Variants in NHLH1 observed in about 807,000 individuals in gnomAD.
NHLH1 encodes the protein nescient helix-loop-helix 1.
A neutral mutation model predicts 6.7 loss-of-function variants in NHLH1; 3 were observed. That is an observed-to-expected ratio of 0.44 (90% CI 0.20 to 1.15). NHLH1 has a LOEUF of 1.15. Ranked by LOEUF, NHLH1 falls within the 50% of genes most tolerant of loss-of-function variation. The pLI, the probability that NHLH1 is intolerant of heterozygous loss-of-function variation, is 0.26. For missense variants in NHLH1, 177 were observed against 189.5 expected, an observed-to-expected ratio of 0.93 and a Z score of 0.39; for synonymous variants, 92 against 84.2, an observed-to-expected ratio of 1.09 and a Z score of -0.51.
rs1649619281 is a variant in NHLH1, at chr1:160,371,213, C to A, written c.*80C>A. ...CTGCTTAGAAAGGCCGCATCCTCCC[C>A]GAGCCCTTATACCTTGGCATGGAGT... On this transcript the variant is annotated 3_prime_UTR_variant, in exon 2 of 2. Transcript: ENST00000302101. The A allele has an allele frequency of 6.6e-7, 1 of 1,521,710 alleles. No homozygotes were observed. Among genetic ancestry groups the A allele is most frequent in the Non-Finnish European group, 8.8e-7 (1 of 1,137,172 alleles). The allele number at this position is 1,521,710 out of a possible 1,614,324, so 94.3% of individuals were successfully genotyped here.
At position 160,371,946 on chromosome 1, in the gene NHLH1, C is replaced by T. The variant is rs1337919103; in HGVS notation, c.*813C>T. 3 of 166,920 alleles carry T rather than the reference C, an allele frequency of 1.8e-5. No individual in the cohort carries two copies. The highest frequency in any genetic ancestry group is 7.2e-5 in the African/African-American group (3 of 41,396). 10.3% of individuals were successfully genotyped at this position (166,920 alleles called of 1,614,324 possible). Reference sequence around the variant, plus strand: ...TTAGGGGATGACATCCCAAACAGCCCGGAGTATTTGCAGAAGGCTCAGGCA... The same window carrying T: ...TTAGGGGATGACATCCCAAACAGCCTGGAGTATTTGCAGAAGGCTCAGGCA... On this transcript the variant is annotated 3_prime_UTR_variant, in exon 2 of 2. Transcript: ENST00000302101.
At position 160,371,325 on chromosome 1, in the gene NHLH1, T is replaced by G; in HGVS notation, c.*192T>G. 1.2e-6 allele frequency: 1 copy of G among 825,846 alleles called. No individual in the cohort carries two copies. Among genetic ancestry groups the G allele is most frequent in the Non-Finnish European group, 1.8e-6 (1 of 554,218 alleles). The allele number at this position is 825,846 out of a possible 1,614,324, so 51.2% of individuals were successfully genotyped here. A position where few individuals can be genotyped will look rare whatever the true frequency, so the allele number is the denominator to read the frequency against. The stretch of plus-strand genomic sequence containing the variant: ...TCTGACCCAGGCACCTCGAGGGCTA[T>G]TCTCCTGGGTTCCTTCCGGGGTTTA... On this transcript the variant is annotated 3_prime_UTR_variant, in exon 2 of 2. Coordinates refer to ENST00000302101, the MANE Select transcript of NHLH1 (RefSeq NM_005598.4).
Position 160,370,856 on chromosome 1 carries a change from G to A in NHLH1, c.125G>A (p.Gly42Glu), listed in dbSNP as rs531286404. The change falls in exon 2 of 2, where the codon GGG becomes GAG. Residue 42 changes from glycine (G) to glutamate (E), a missense_variant. Gly to Glu is a moderately conservative substitution (Grantham distance 98, BLOSUM62 -2). Transcript: ENST00000302101. The stretch of plus-strand genomic sequence containing the variant: ...GGTGCCGGGCCTGGGGGTCCGGGAG[G>A]GGGCCAGGCCCGAGGCCCAGAGCCG... The part of the protein sequence containing the change: ...PDGAGPGGPG[G>E]GQARGPEPGE... 47 of 1,606,534 alleles carry A rather than the reference G, an allele frequency of 2.9e-5. No homozygotes were observed. The East Asian group carries it at 1.0e-3, about 34-fold the overall frequency.
In NHLH1 at chr1:160,371,398, GGAATCCT is replaced by G. The variant is rs71817984; in HGVS notation, c.*266_*272del. The G allele has an allele frequency of 2.9e-3, 1,283 of 438,020 alleles. 14 individuals carry two copies. The East Asian group carries it at 0.038, about 13-fold the overall frequency. 27.1% of individuals were successfully genotyped at this position (438,020 alleles called of 1,614,324 possible). A position where few individuals can be genotyped will look rare whatever the true frequency, so the allele number is the denominator to read the frequency against. ...AATTGTTTGCTAGTGTGGTTGGTAT[GGAATCCT>G]TGCTGGCTTTACTAAGCCAGCCACA... On this transcript the variant is annotated 3_prime_UTR_variant, in exon 2 of 2. Coordinates refer to ENST00000302101, the MANE Select transcript of NHLH1 (RefSeq NM_005598.4).
At position 160,371,210 on chromosome 1, in the gene NHLH1, C is replaced by G. The variant is rs1364088609; in HGVS notation, c.*77C>G. On this transcript the variant is annotated 3_prime_UTR_variant, in exon 2 of 2. Transcript: ENST00000302101. The stretch of plus-strand genomic sequence containing the variant: ...TCACTGCTTAGAAAGGCCGCATCCT[C>G]CCCGAGCCCTTATACCTTGGCATGG... The G allele has an allele frequency of 5.3e-6, 8 of 1,522,544 alleles. No homozygotes were observed. The East Asian group carries it at 1.6e-4, about 31-fold the overall frequency. 94.3% of individuals were successfully genotyped at this position (1,522,544 alleles called of 1,614,324 possible). A position where few individuals can be genotyped will look rare whatever the true frequency, so the allele number is the denominator to read the frequency against.
chr1:160,369,498 G>A (rs984079535), intron 1 of NHLH1, among the ~76,000 whole-genome samples: 1 of 152,058 alleles, frequency 6.6e-6, no homozygotes, highest in African/African-American at 2.4e-5. Flanking sequence ...TATTTTTTGA[G>A]GAACATTTAT....
Position 160,371,043 on chromosome 1 carries a change from G to A in NHLH1, c.312G>A (p.Thr104=). 6.2e-7 allele frequency: 1 copy of A among 1,614,026 alleles called. No homozygotes were observed. The highest frequency in any genetic ancestry group is 8.5e-7 in the Non-Finnish European group (1 of 1,179,964). ...CCGAGCTGCGCAAGCTGCTGCCTAC[G>A]CTGCCCCCCGACAAGAAGCTCTCCA... ...AFAELRKLLP[T]LPPDKKLSKI... Residue 104 remains threonine, a synonymous_variant, in exon 2 of 2, where the codon ACG becomes ACA. Transcript: ENST00000302101.
intron 1 of NHLH1, among the ~76,000 whole-genome samples, chr1:160,368,391 A>T (rs1373345949): frequency 6.6e-6 from 1 of 152,204 alleles, no homozygotes; most frequent in Non-Finnish European, 1.5e-5. Flanking sequence ...GCTGAGTCCC[A>T]TAAGGGTAGC....
chr1:160,369,830 A>G (rs930678317), intron 1 of NHLH1, among the ~76,000 whole-genome samples: 1 of 152,202 alleles, frequency 6.6e-6, no homozygotes, highest in Non-Finnish European at 1.5e-5. Flanking sequence ...ATTTTGTTAC[A>G]TGCATAGATT....
Position 160,370,684 on chromosome 1 carries a change from GA to G in NHLH1, c.-47del, listed in dbSNP as rs770710339. 15 of 1,587,360 alleles carry G rather than the reference GA, an allele frequency of 9.4e-6. No homozygotes were observed. Among genetic ancestry groups the G allele is most frequent in the Middle Eastern group, 1.7e-4 (1 of 5,932 alleles). On this transcript the variant is annotated 5_prime_UTR_variant, in exon 2 of 2. Coordinates refer to ENST00000302101, the MANE Select transcript of NHLH1 (RefSeq NM_005598.4). ...CCACCAGCTTTCAAGCTCCCAGAGG[GA>G]GGGGTGGGGAGGGGATCCTGATCTC...
Position 160,371,973 on chromosome 1 carries a change from C to T in NHLH1, c.*840C>T, listed in dbSNP as rs59768560. ...GAGTATTTGCAGAAGGCTCAGGCAA[C>T]GAGTGGGCCACATCTCACTTCTGCT... On this transcript the variant is annotated 3_prime_UTR_variant, in exon 2 of 2. Coordinates refer to ENST00000302101, the MANE Select transcript of NHLH1 (RefSeq NM_005598.4). The T allele has an allele frequency of 0.034, 5,663 of 167,050 alleles. 356 individuals are homozygous for T. The highest frequency in any genetic ancestry group is 0.13 in the African/African-American group (5,371 of 41,488). The allele number at this position is 167,050 out of a possible 1,614,324, so 10.3% of individuals were successfully genotyped here.
Position 160,371,377 on chromosome 1 carries a change from G to C in NHLH1, c.*244G>C. 1 of 516,828 alleles carries C rather than the reference G, an allele frequency of 1.9e-6. No individual in the cohort carries two copies. The highest frequency in any genetic ancestry group is 3.8e-5 in the East Asian group (1 of 26,344). 32.0% of individuals were successfully genotyped at this position (516,828 alleles called of 1,614,324 possible). ...TGCTGAGGCCCAGCTGTGCAGAATT[G>C]TTTGCTAGTGTGGTTGGTATGGAAT... On this transcript the variant is annotated 3_prime_UTR_variant, in exon 2 of 2. Transcript: ENST00000302101.
chr1:160,368,082 T>C (rs1649531965), intron 1 of NHLH1, among the ~76,000 whole-genome samples: 2 of 152,228 alleles, frequency 1.3e-5, no homozygotes, highest in South Asian at 4.1e-4. Flanking sequence ...TAGCTGTTTG[T>C]TGGCTTGACT....
At chr1:160,367,490 C>T (rs1649514714) in intron 1 of NHLH1, among the ~76,000 whole-genome samples, 153 bp downstream of exon 1, 1 of 152,176 alleles carries the variant, frequency 6.6e-6, no homozygotes, top group Non-Finnish European at 1.5e-5. Flanking sequence ...TCCCCTTCGA[C>T]TCTTTGTGCC....
chr1:160,370,342 A>C (rs1649593537), intron 1 of NHLH1, among the ~76,000 whole-genome samples: 1 of 150,632 alleles, frequency 6.6e-6, no homozygotes, highest in African/African-American at 2.4e-5. Context: ...TTCCCTTCTT[A>C]CTACCTTTCG....
rs764417015 is a variant in NHLH1, at chr1:160,370,855, G to A, written c.124G>A (p.Gly42Arg). Residue 42 changes from glycine to arginine, a missense_variant, in exon 2 of 2, where the codon GGG (glycine) becomes AGG (arginine). Physicochemically the swap from Gly to Arg is moderately radical, Grantham distance 125 (BLOSUM62 -2). Coordinates refer to ENST00000302101, the MANE Select transcript of NHLH1 (RefSeq NM_005598.4). ...TGGTGCCGGGCCTGGGGGTCCGGGA[G>A]GGGGCCAGGCCCGAGGCCCAGAGCC... ...PDGAGPGGPG[G>R]GQARGPEPGE... is the part of the protein sequence containing the mutation. The A allele has an allele frequency of 2.5e-6, 4 of 1,606,302 alleles. No individual in the cohort carries two copies. Among genetic ancestry groups the A allele is most frequent in the African/African-American group, 2.7e-5 (2 of 74,806 alleles).
Position 160,370,976 on chromosome 1 carries a change from C to A in NHLH1, c.245C>A (p.Thr82Lys). Residue 82 changes from threonine (T) to lysine (K), a missense_variant, in exon 2 of 2, where the codon ACG becomes AAG. Transcript: ENST00000302101. ...GCCAAGTACCGCACGGCCCACGCCA[C>A]GCGAGAACGCATCCGCGTGGAAGCC... ...ATAKYRTAHATRERIRVEAFN... is the reference protein window; with the variant it reads ...ATAKYRTAHAKRERIRVEAFN... 5 of 1,613,320 alleles carry A rather than the reference C, an allele frequency of 3.1e-6. No homozygotes were observed. Among genetic ancestry groups the A allele is most frequent in the Non-Finnish European group, 4.2e-6 (5 of 1,179,600 alleles).
rs1204253767 is a variant in NHLH1, at chr1:160,370,771, C to T, written c.40C>T (p.Pro14Ser). 1 of 1,612,926 alleles carries T rather than the reference C, an allele frequency of 6.2e-7. No individual in the cohort carries two copies. Among genetic ancestry groups the T allele is most frequent in the Non-Finnish European group, 8.5e-7 (1 of 1,179,814 alleles). The change falls in exon 2 of 2, where the codon CCC (proline) becomes TCC (serine). Residue 14 changes from proline to serine, a missense_variant. Pro to Ser is a moderately conservative substitution (Grantham distance 74). Coordinates refer to ENST00000302101, the MANE Select transcript of NHLH1 (RefSeq NM_005598.4). ...NSDTMELDLP[P>S]THSETESGFS... ...AGACACCATGGAGCTGGACCTGCCG[C>T]CCACCCACTCAGAGACTGAGTCGGG...
chr1:160,370,557 G>T lies in NHLH1; in HGVS notation c.-175G>T. On this transcript the variant is annotated splice_region_variant and 5_prime_UTR_variant, in exon 2 of 2. Transcript: ENST00000302101. ...ATCACTTCTCTCTTCTCTTTTTCAG[G>T]CTTCAGACTGGCACCCTGACCATGG... The T allele has an allele frequency of 1.6e-6, 1 of 616,360 alleles. No individual in the cohort carries two copies. Among genetic ancestry groups the T allele is most frequent in the Non-Finnish European group, 2.9e-6 (1 of 346,550 alleles). The allele number at this position is 616,360 out of a possible 1,614,324, so 38.2% of individuals were successfully genotyped here.
Sources: gnomAD v4.1 joint callset for allele counts (sites outside exome capture counted in the v4.1 genomes callset) on GRCh38, gnomAD v4.1.1 for gene constraint, MANE v1.5 for transcripts, NCBI Gene and HGNC (gene_info 2026-07-23, HGNC 2026-07-21) for gene names.